The following NALF1 variants were observed in gnomAD, a reference collection of about 807,000 sequenced individuals.
NALF1 encodes NALCN channel auxiliary factor 1, also known as family with sequence similarity 155 member A.
Under a neutral mutation model 48.4 loss-of-function variants are expected in NALF1, and 3 were observed. That is an observed-to-expected ratio of 0.06 (90% CI 0.03 to 0.16). NALF1 has a LOEUF of 0.16. NALF1 is among the 10% of genes least tolerant of loss of function. The pLI is 1.00. For missense variants in NALF1, 526 were observed against 571.5 expected, an observed-to-expected ratio of 0.92 and a Z score of 0.81; for synonymous variants, 262 against 245.7, an observed-to-expected ratio of 1.07 and a Z score of -0.62.
intron 1 of NALF1, among the ~76,000 whole-genome samples, chr13:107,726,516 T>C (rs1876154095): frequency 6.6e-6 from 1 of 152,198 alleles, no homozygotes; most frequent in Non-Finnish European, 1.5e-5. Context: ...AAAGAAAGGC[T>C]CTTGCCCTCA....
chr13:107,526,570 G>A (rs1299973517), intron 1 of NALF1, among the ~76,000 whole-genome samples: 1 of 152,108 alleles, frequency 6.6e-6, no homozygotes, highest in East Asian at 1.9e-4. Flanking sequence ...GACAAATAAG[G>A]TTACTGTAGA....
At chr13:107,724,064 A>C (rs1224214108) in intron 1 of NALF1, among the ~76,000 whole-genome samples, 1 of 152,204 alleles carries the variant, frequency 6.6e-6, no homozygotes, top group East Asian at 1.9e-4. Flanking sequence ...TAATTTGCAA[A>C]GACGTAATAC....
chr13:107,694,764 C>A (rs1185498146), intron 1 of NALF1, among the ~76,000 whole-genome samples: 1 of 151,510 alleles, frequency 6.6e-6, no homozygotes, highest in East Asian at 1.9e-4. Context: ...TTTGCAACTT[C>A]TCTGTATCTA....
In NALF1 at chr13:107,645,576, T is replaced by A. The variant is rs77503850; in HGVS notation, c.915+220106A>T. Among the ~76,000 whole-genome samples the A allele has an allele frequency of 9.2e-5, 14 of 152,012 alleles. No individual in the cohort carries two copies. In the East Asian group the frequency reaches 2.3e-3, roughly 25 times the overall value. ...AATACAATTTTTATCTCTTTTCTTG[T>A]CCTGTTTTGACAACAGAGAGCCTGG... On this transcript the variant is annotated intron_variant, in intron 1 of 2. Transcript: ENST00000375915.
In NALF1 at chr13:107,866,299, CCTGCTGCCGCCGCTGCTG is replaced by C; in HGVS notation, c.280_297del (p.Gln94_Gln99del). The C allele has an allele frequency of 1.2e-6, 2 of 1,605,846 alleles. No individual in the cohort carries two copies. The highest frequency in any genetic ancestry group is 1.7e-6 in the Non-Finnish European group (2 of 1,178,174). ...GCCAGGAGCGCGGGCCAGGAGGGCTCCTGCTGCCGCCGCTGCTGCTGCTGCTGCTGCCGCTGCCTCTGC... is the reference window on the plus strand; with the variant it reads ...GCCAGGAGCGCGGGCCAGGAGGGCTCCTGCTGCTGCTGCCGCTGCCTCTGC... On this transcript the variant is annotated inframe_deletion, in exon 1 of 3. Transcript: ENST00000375915. This position sits in a 1 kb window ranked among gnomAD's most constrained non-coding sequence, Gnocchi z 4.4.
chr13:107,792,413 G>A (rs755470021), intron 1 of NALF1, among the ~76,000 whole-genome samples: 2 of 152,040 alleles, frequency 1.3e-5, no homozygotes, highest in African/African-American at 4.8e-5. Flanking sequence ...ATACTCACAA[G>A]ATCCACTTCT....
At position 107,355,732 on chromosome 13, in the gene NALF1, A is replaced by G. The variant is rs528864102; in HGVS notation, c.916-144977T>C. ...TAAGTTTCCTGAGGCCTCCCCAGCC[A>G]TGCTTTCTGTACAGTCTGTGGAATG... On this transcript the variant is annotated intron_variant, in intron 1 of 2. Coordinates refer to ENST00000375915, the MANE Select transcript of NALF1 (RefSeq NM_001080396.3). Among the ~76,000 whole-genome samples the G allele has an allele frequency of 5.3e-5, 8 of 152,206 alleles. No individual in the cohort carries two copies. The East Asian group carries it at 1.4e-3, about 26-fold the overall frequency.
chr13:107,346,128 C>T (rs1882767155), intron 1 of NALF1, among the ~76,000 whole-genome samples: 1 of 151,828 alleles, frequency 6.6e-6, no homozygotes, highest in Non-Finnish European at 1.5e-5. Context: ...CACATTGGTG[C>T]ATATGAGGAG....
chr13:107,712,746 C>T (rs936433494), intron 1 of NALF1, among the ~76,000 whole-genome samples: 10 of 152,150 alleles, frequency 6.6e-5, no homozygotes, highest in Non-Finnish European at 1.5e-4. Flanking sequence ...GTGTGAAAGG[C>T]GTGTATGAAA....
intron 1 of NALF1, among the ~76,000 whole-genome samples, chr13:107,754,668 T>A (rs1004552931): frequency 6.6e-6 from 1 of 152,164 alleles, no homozygotes; most frequent in Non-Finnish European, 1.5e-5. Flanking sequence ...AGAGAGCATT[T>A]CGGTCCTTCA....
At chr13:107,720,486 G>A (rs888590662) in intron 1 of NALF1, among the ~76,000 whole-genome samples, 1 of 119,086 alleles carries the variant, frequency 8.4e-6, no homozygotes, top group Non-Finnish European at 1.6e-5. Context: ...ACTCCAGCCT[G>A]GGCAACAGAG....
At chr13:107,645,225 C>G (rs1288122848) in intron 1 of NALF1, among the ~76,000 whole-genome samples, 1 of 152,148 alleles carries the variant, frequency 6.6e-6, no homozygotes, top group Non-Finnish European at 1.5e-5. Flanking sequence ...ACACCACAAG[C>G]AGTTACAGTT....
intron 1 of NALF1, among the ~76,000 whole-genome samples, chr13:107,826,568 A>T (rs966737722): frequency 6.6e-6 from 1 of 152,230 alleles, no homozygotes; most frequent in Non-Finnish European, 1.5e-5. Context: ...TTTTAGAAAA[A>T]GAGGATGCAG....
intron 1 of NALF1, among the ~76,000 whole-genome samples, chr13:107,651,646 T>C (rs1013798265): frequency 6.6e-6 from 1 of 152,188 alleles, no homozygotes; most frequent in African/African-American, 2.4e-5. Flanking sequence ...CTTACTTAAC[T>C]CTTCTCAGCA....
intron 1 of NALF1, among the ~76,000 whole-genome samples, chr13:107,734,068 T>C (rs1025605904): frequency 3.3e-5 from 5 of 152,156 alleles, no homozygotes; most frequent in African/African-American, 1.2e-4. Flanking sequence ...GAAACTTACC[T>C]AAACATAGAA....
intron 2 of NALF1, among the ~76,000 whole-genome samples, chr13:107,187,585 G>A (rs1337243896): frequency 6.6e-6 from 1 of 152,158 alleles, no homozygotes; most frequent in Non-Finnish European, 1.5e-5. Context: ...AATGTTTGTT[G>A]AAAGAAGAAC....
intron 1 of NALF1, among the ~76,000 whole-genome samples, chr13:107,800,602 T>C (rs966452211): frequency 2.1e-5 from 3 of 145,788 alleles, no homozygotes; most frequent in Admixed American, 6.9e-5. Flanking sequence ...TAATAAATTA[T>C]GTAATATAAT....
chr13:107,714,916 A>AATGAGTGG (rs1875706647), intron 1 of NALF1, among the ~76,000 whole-genome samples: 2 of 152,178 alleles, frequency 1.3e-5, no homozygotes, highest in African/African-American at 4.8e-5. Context: ...GTGGATATTA[A>AATGAGTGG]CAATGAGTTA....
chr13:107,466,302 C>T, intron 1 of NALF1: 1 of 152,230 alleles, frequency 6.6e-6, no homozygotes, highest in Non-Finnish European at 1.5e-5. Flanking sequence ...ACCCAGTCAC[C>T]TCTCAAAAGT....
Sources: allele counts gnomAD v4.1 joint callset (sites outside exome capture counted in the v4.1 genomes callset), GRCh38; gene constraint gnomAD v4.1.1; non-coding constraint Gnocchi (gnomAD v3.1); transcripts MANE v1.5; gene names NCBI Gene and HGNC (gene_info 2026-07-23, HGNC 2026-07-21).